Variants in PUS10 observed in about 807,000 individuals in gnomAD.
PUS10 encodes pseudouridine synthase 10, also known as tRNA pseudouridine synthase Pus10.
Under a neutral mutation model 75.0 loss-of-function variants are expected in PUS10, and 59 were observed. That is an observed-to-expected ratio of 0.79 (90% CI 0.64 to 0.98). PUS10 has a LOEUF of 0.98. PUS10 is among the 50% of genes least tolerant of loss of function. The pLI, the probability that PUS10 is intolerant of heterozygous loss-of-function variation, is 0.00. For missense variants in PUS10, 650 were observed against 614.4 expected (o/e 1.06, Z -0.61); for synonymous variants, 219 against 211.6 (o/e 1.03, Z -0.30).
intron 2 of PUS10, chr2:61,010,881 T>G (rs1679554219): frequency 6.5e-6 from 10 of 1,549,794 alleles, no homozygotes; most frequent in Non-Finnish European, 8.7e-6. Flanking sequence ...GTATCTCAGT[T>G]TCTTCATCTG....
chr2:60,969,378 A>G (rs1261626302), intron 5 of PUS10, among the ~76,000 whole-genome samples: 1 of 152,216 alleles, frequency 6.6e-6, no homozygotes, highest in Non-Finnish European at 1.5e-5. Flanking sequence ...TCCTAATACA[A>G]TTTGGGCTAA....
At chr2:60,951,464 A>G (rs1234235523) in intron 15 of PUS10, among the ~76,000 whole-genome samples, 2 of 152,244 alleles carry the variant, frequency 1.3e-5, no homozygotes, top group African/African-American at 4.8e-5. Context: ...TCCTGCAACT[A>G]GAGGGTCCAA....
chr2:60,952,299 A>G (rs1454488878), intron 15 of PUS10, among the ~76,000 whole-genome samples: 2 of 148,736 alleles, frequency 1.3e-5, no homozygotes, highest in Admixed American at 1.4e-4. Context: ...GTGCCATTGC[A>G]CTCCAGCCTG....
chr2:61,000,448 C>T (rs1678778366), intron 4 of PUS10, among the ~76,000 whole-genome samples: 1 of 152,132 alleles, frequency 6.6e-6, no homozygotes, highest in African/African-American at 2.4e-5. Context: ...ATCTTTAGGT[C>T]CCAGGTCTGA....
intron 3 of PUS10, among the ~76,000 whole-genome samples, chr2:61,007,701 G>A (rs1340523419): frequency 2.7e-5 from 4 of 150,142 alleles, no homozygotes; most frequent in South Asian, 2.1e-4. Flanking sequence ...CCTGGGAGGC[G>A]GAGGTTGTAG....
At chr2:60,998,760 C>T (rs1338538957) in intron 4 of PUS10, 3 of 151,936 alleles carry the variant, frequency 2.0e-5, no homozygotes, top group African/African-American at 7.3e-5. Flanking sequence ...CTGTCTGTGG[C>T]CACACCACCC....
intron 4 of PUS10, among the ~76,000 whole-genome samples, chr2:60,983,469 A>T (rs1348944560): frequency 6.6e-6 from 1 of 152,144 alleles, no homozygotes; most frequent in Non-Finnish European, 1.5e-5. Flanking sequence ...ACCTGAGGTC[A>T]GGAGTTTGAG....
At chr2:61,008,671 T>C in intron 3 of PUS10, 90 bp downstream of exon 3, 3 of 1,099,696 alleles carry the variant, frequency 2.7e-6, no homozygotes, top group African/African-American at 1.6e-5. Flanking sequence ...AATTGTCTTG[T>C]CTTGAAAAAA....
intron 10 of PUS10, among the ~76,000 whole-genome samples, chr2:60,960,967 C>T (rs1430970919): frequency 6.6e-6 from 1 of 151,904 alleles, no homozygotes; most frequent in Non-Finnish European, 1.5e-5. Flanking sequence ...AGAGCAATTT[C>T]ACTTCAGCTA....
At chr2:60,977,410 A>G (rs909816411) in intron 4 of PUS10, among the ~76,000 whole-genome samples, 13 of 152,210 alleles carry the variant, frequency 8.5e-5, no homozygotes, top group African/African-American at 3.1e-4. Context: ...TTGATTGCCA[A>G]GCTAGGTCAT....
At chr2:61,009,079 A>G in intron 2 of PUS10, 64 bp from the exon 3 acceptor site, 1 of 1,410,010 alleles carries the variant, frequency 7.1e-7, no homozygotes, top group Non-Finnish European at 9.6e-7. Flanking sequence ...TTTCTAGGTA[A>G]GATGAAACAA....
intron 2 of PUS10, chr2:61,010,674 T>C (rs1021942316): frequency 3.3e-4 from 398 of 1,203,782 alleles, no homozygotes; most frequent in Non-Finnish European, 4.3e-4. Flanking sequence ...GTATTGTCCC[T>C]TAAAGTCCTG....
At position 60,942,042 on chromosome 2, in the gene PUS10, G is replaced by C. The variant is rs1321534881; in HGVS notation, c.*353C>G. ...TTAAAGGTGGTATATCTCTTGTGGA[G>C]GGAAATCTTGCTGAAATTACAGCTT... On this transcript the variant is annotated 3_prime_UTR_variant, in exon 18 of 18. Coordinates refer to ENST00000316752, the MANE Select transcript of PUS10 (RefSeq NM_144709.4). 4.9e-6 allele frequency: 1 copy of C among 203,826 alleles called. No individual in the cohort carries two copies. The highest frequency in any genetic ancestry group is 9.9e-6 in the Non-Finnish European group (1 of 101,240). 12.6% of individuals were successfully genotyped at this position (203,826 alleles called of 1,614,324 possible).
intron 4 of PUS10, among the ~76,000 whole-genome samples, chr2:60,987,361 A>T (rs1677785145): frequency 6.6e-6 from 1 of 152,138 alleles, no homozygotes; most frequent in Non-Finnish European, 1.5e-5. Flanking sequence ...TTATTAGGAC[A>T]CCTTGATGTA....
intron 14 of PUS10, 65 bp downstream of exon 14, chr2:60,953,868 T>A (rs375173593): frequency 3.3e-6 from 4 of 1,227,534 alleles, no homozygotes; most frequent in East Asian, 4.6e-5. Context: ...AATTCCCTTA[T>A]CAAGATATGT....
intron 4 of PUS10, among the ~76,000 whole-genome samples, chr2:60,972,951 G>A (rs1442752493): frequency 3.9e-5 from 6 of 152,242 alleles, no homozygotes; most frequent in Non-Finnish European, 8.8e-5. Flanking sequence ...GTCCGGAGTA[G>A]CTGCTGCCAT....
chr2:60,961,869 T>G (rs911477385), intron 9 of PUS10, among the ~76,000 whole-genome samples: 2 of 152,238 alleles, frequency 1.3e-5, no homozygotes, highest in African/African-American at 4.8e-5. Context: ...ACATAGGAAG[T>G]GGAAGCCCCT....
At chr2:60,968,471 A>G (rs573770326) in intron 5 of PUS10, among the ~76,000 whole-genome samples, 2 of 152,290 alleles carry the variant, frequency 1.3e-5, no homozygotes, top group South Asian at 4.1e-4. Flanking sequence ...CAACTTATGC[A>G]TCATCCCTTT....
chr2:60,992,755 C>T (rs1482186034), intron 4 of PUS10, among the ~76,000 whole-genome samples: 2 of 152,066 alleles, frequency 1.3e-5, no homozygotes. Context: ...TTTTTCCCCA[C>T]ACAAGTTAGT....
Sources: allele counts gnomAD v4.1 joint callset (sites outside exome capture counted in the v4.1 genomes callset), GRCh38; gene constraint gnomAD v4.1.1; transcripts MANE v1.5; gene names NCBI Gene and HGNC (gene_info 2026-07-23, HGNC 2026-07-21).